The following PCDH15 variants were observed in gnomAD, a reference collection of about 807,000 sequenced individuals.
PCDH15 encodes the protein protocadherin related 15.
In PCDH15, 129 loss-of-function variants were observed where a neutral mutation model predicts 178.5. That is an observed-to-expected ratio of 0.72 (90% CI 0.63 to 0.84). The LOEUF (loss-of-function observed/expected upper bound fraction) is 0.84, where lower values mean the gene tolerates loss of function less well. Ranked by LOEUF, PCDH15 falls within the 40% of genes least tolerant of loss-of-function variation. PCDH15 has a pLI of 0.00. For synonymous variants in PCDH15, 800 were observed against 732.0 expected (o/e 1.09, Z -1.50); for missense variants, 2,230 against 2,099.9 (o/e 1.06, Z -1.21).
At chr10:53,873,921 C>A (rs987819762) in intron 26 of PCDH15, among the ~76,000 whole-genome samples, 101 of 152,242 alleles carry the variant, frequency 6.6e-4, no homozygotes, top group African/African-American at 2.3e-3. Context: ...AGAAACGCAG[C>A]CATCCATGAA....
intron 2 of PCDH15, among the ~76,000 whole-genome samples, chr10:55,411,539 A>C (rs1041052166): frequency 1.3e-5 from 2 of 152,112 alleles, no homozygotes; most frequent in African/African-American, 4.8e-5. Flanking sequence ...TTGCCTTATC[A>C]AGTATTTTTT....
intron 1 of PCDH15, among the ~76,000 whole-genome samples, chr10:54,711,384 CAT>C (rs990102320): frequency 6.6e-6 from 1 of 151,886 alleles, no homozygotes; most frequent in Non-Finnish European, 1.5e-5. Flanking sequence ...ATCTGACAAA[CAT>C]GAACATACAA....
chr10:54,263,255 T>C (rs1213219783), intron 8 of PCDH15, among the ~76,000 whole-genome samples: 1 of 152,066 alleles, frequency 6.6e-6, no homozygotes, highest in African/African-American at 2.4e-5. Flanking sequence ...GGACCACTCC[T>C]GAGGGAAGGG....
At chr10:55,206,640 A>T (rs1350998953) in intron 1 of PCDH15, among the ~76,000 whole-genome samples, 1 of 152,130 alleles carries the variant, frequency 6.6e-6, no homozygotes, top group Non-Finnish European at 1.5e-5. Context: ...AGTGCATTTA[A>T]AACTTAGACT....
At chr10:55,046,858 G>A (rs1467057281) in intron 2 of PCDH15, among the ~76,000 whole-genome samples, 7 of 151,902 alleles carry the variant, frequency 4.6e-5, no homozygotes, top group Non-Finnish European at 8.8e-5. Context: ...TGATTTCCCA[G>A]ACTCTTATAT....
At chr10:54,527,973 A>G in intron 2 of PCDH15, 96 bp from the exon 3 acceptor site, 1 of 949,228 alleles carries the variant, frequency 1.1e-6, no homozygotes, top group Non-Finnish European at 1.7e-6. Flanking sequence ...TTTAAAAAGG[A>G]AAATCTTGCA....
chr10:55,235,669 G>A (rs917563902), intron 1 of PCDH15, among the ~76,000 whole-genome samples: 11 of 152,144 alleles, frequency 7.2e-5, no homozygotes, highest in Admixed American at 1.3e-4. Flanking sequence ...CACTTTGGAA[G>A]GCCGAGGTGG....
intron 26 of PCDH15, among the ~76,000 whole-genome samples, chr10:53,899,143 G>GC (rs2082157208): frequency 7.0e-5 from 1 of 14,236 alleles, no homozygotes; most frequent in Non-Finnish European, 1.2e-4. Context: ...ACTTTTTTTC[G>GC]GGGGGGGGTG....
At chr10:54,517,603 A>G (rs868204930) in intron 3 of PCDH15, among the ~76,000 whole-genome samples, 1 of 152,014 alleles carries the variant, frequency 6.6e-6, no homozygotes, top group African/African-American at 2.4e-5. Flanking sequence ...CTCCCACACA[A>G]TAATAATGGG....
intron 29 of PCDH15, among the ~76,000 whole-genome samples, chr10:53,833,430 C>T (rs1381449593): frequency 6.6e-6 from 1 of 152,058 alleles, no homozygotes; most frequent in African/African-American, 2.4e-5. Flanking sequence ...TCTTTCTTTA[C>T]TTTGTGTATT....
At chr10:54,252,718 A>G (rs1393203976) in intron 8 of PCDH15, among the ~76,000 whole-genome samples, 1 of 152,140 alleles carries the variant, frequency 6.6e-6, no homozygotes, top group Non-Finnish European at 1.5e-5. Context: ...ACAACGATTC[A>G]TATATCAGAT....
At chr10:54,702,944 A>G (rs2095325940) in intron 1 of PCDH15, among the ~76,000 whole-genome samples, 1 of 152,058 alleles carries the variant, frequency 6.6e-6, no homozygotes, top group African/African-American at 2.4e-5. Context: ...TTCTTGATGG[A>G]CATAAATCCA....
At chr10:54,489,687 T>C (rs2079408125) in intron 3 of PCDH15, among the ~76,000 whole-genome samples, 1 of 152,158 alleles carries the variant, frequency 6.6e-6, no homozygotes, top group South Asian at 2.1e-4. Flanking sequence ...TTTATAAATA[T>C]CCTTATACTT....
chr10:55,480,854 A>G (rs575797774), intron 2 of PCDH15, among the ~76,000 whole-genome samples: 1 of 151,966 alleles, frequency 6.6e-6, no homozygotes, highest in South Asian at 2.1e-4. Flanking sequence ...GCCTAATGTA[A>G]TGAGTTAGGG....
intron 2 of PCDH15, among the ~76,000 whole-genome samples, chr10:55,096,479 T>A (rs2132040776): frequency 6.6e-6 from 1 of 152,264 alleles, no homozygotes; most frequent in African/African-American, 2.4e-5. Context: ...ATAGTTAGCT[T>A]TTGTGTGCGT....
At chr10:54,599,629 A>G (rs1368960502) in intron 2 of PCDH15, 9 of 339,936 alleles carry the variant, frequency 2.6e-5, no homozygotes, top group Non-Finnish European at 5.5e-6. Flanking sequence ...GCCAAAAGCA[A>G]TCACAGCAAA....
At chr10:54,966,762 G>T (rs1482949584) in intron 2 of PCDH15, among the ~76,000 whole-genome samples, 1 of 152,034 alleles carries the variant, frequency 6.6e-6, no homozygotes, top group African/African-American at 2.4e-5. Flanking sequence ...CTTTCCTGCT[G>T]CCATGAAAGA....
intron 26 of PCDH15, among the ~76,000 whole-genome samples, chr10:53,868,177 T>A (rs1252477761): frequency 6.6e-6 from 1 of 152,080 alleles, no homozygotes; most frequent in East Asian, 1.9e-4. Flanking sequence ...ACCTTATTCA[T>A]GATACTAGAT....
At chr10:55,229,606 AT>A (rs1353084025) in intron 1 of PCDH15, among the ~76,000 whole-genome samples, 2 of 152,090 alleles carry the variant, frequency 1.3e-5, no homozygotes, top group African/African-American at 4.8e-5. Context: ...ATTATTCAAA[AT>A]GTCAGTGATA....
Sources: gnomAD v4.1 joint callset for allele counts (sites outside exome capture counted in the v4.1 genomes callset) on GRCh38, gnomAD v4.1.1 for gene constraint, MANE v1.5 for transcripts, NCBI Gene and HGNC (gene_info 2026-07-23, HGNC 2026-07-21) for gene names.